The following RPS6KC1 variants were observed in gnomAD, a reference collection of about 807,000 sequenced individuals.
The protein encoded by RPS6KC1 is ribosomal protein S6 kinase C1.
Under a neutral mutation model 103.8 loss-of-function variants are expected in RPS6KC1, and 54 were observed. That is an observed-to-expected ratio of 0.52 (90% confidence interval 0.42 to 0.65). The LOEUF (loss-of-function observed/expected upper bound fraction) is 0.65, where lower values mean the gene tolerates loss of function less well. RPS6KC1 is among the 30% of genes least tolerant of loss of function. The probability of loss-of-function intolerance (pLI) is 0.00; values close to 1 mark genes in which losing one functional copy is unlikely to be tolerated. For missense variants in RPS6KC1, 1,151 were observed against 1,253.8 expected (o/e 0.92, Z 1.24); for synonymous variants, 439 against 438.7 (o/e 1.00, Z -0.01).
chr1:213,474,251 T>A, the RPS6KC1 span, among the ~76,000 whole-genome samples: 1 of 152,140 alleles, frequency 6.6e-6, no homozygotes, highest in African/African-American at 2.4e-5. Context: ...GGGCTCTCCT[T>A]GGCCCGGATC....
At chr1:213,069,136 G>T (rs535870054) in intron 1 of RPS6KC1, among the ~76,000 whole-genome samples, 21 of 152,106 alleles carry the variant, frequency 1.4e-4, no homozygotes, top group Admixed American at 7.9e-4. Flanking sequence ...TATTTCAGTG[G>T]CTCAGTAGCC....
the RPS6KC1 span, among the ~76,000 whole-genome samples, chr1:213,454,750 C>T: frequency 2.6e-5 from 4 of 152,302 alleles, no homozygotes; most frequent in African/African-American, 9.6e-5. Flanking sequence ...ACTCAGTGTC[C>T]AAATTCCAGC....
chr1:213,072,906 T>C, intron 2 of RPS6KC1: 1 of 980,296 alleles, frequency 1.0e-6, no homozygotes, highest in Non-Finnish European at 1.2e-6. Context: ...GAACATACTC[T>C]CTGCCATTTT....
the RPS6KC1 span, among the ~76,000 whole-genome samples, chr1:213,384,339 A>G: frequency 6.6e-6 from 1 of 152,032 alleles, no homozygotes; most frequent in Admixed American, 6.5e-5. Context: ...AAAGAAAATC[A>G]TGAAGGTTTG....
the RPS6KC1 span, among the ~76,000 whole-genome samples, chr1:213,805,228 A>G: frequency 3.3e-5 from 5 of 152,300 alleles, no homozygotes; most frequent in South Asian, 1.0e-3. Context: ...ACAATTTCTT[A>G]AAATAAGACA....
chr1:213,401,149 C>A, the RPS6KC1 span, among the ~76,000 whole-genome samples: 1 of 152,122 alleles, frequency 6.6e-6, no homozygotes, highest in Admixed American at 6.5e-5. Flanking sequence ...TCTTGGCTAT[C>A]TTTTTTGGTT....
At chr1:213,152,241 A>C (rs1353213602) in intron 6 of RPS6KC1, among the ~76,000 whole-genome samples, 10 of 100,216 alleles carry the variant, frequency 1.0e-4, no homozygotes, top group East Asian at 3.0e-4. Flanking sequence ...TGATGCCCCC[A>C]CCTCCCTCCC....
chr1:213,686,939 TG>T, the RPS6KC1 span, among the ~76,000 whole-genome samples: 2 of 126,396 alleles, frequency 1.6e-5, no homozygotes, highest in Non-Finnish European at 3.5e-5. Context: ...TTAGACCATA[TG>T]GGGTAACTTC....
At chr1:213,434,587 C>T in the RPS6KC1 span, among the ~76,000 whole-genome samples, 1 of 152,048 alleles carries the variant, frequency 6.6e-6, no homozygotes, top group African/African-American at 2.4e-5. Context: ...TCCTGAGTAA[C>T]TCAGACTACA....
At chr1:213,501,576 T>C in the RPS6KC1 span, among the ~76,000 whole-genome samples, 1 of 152,026 alleles carries the variant, frequency 6.6e-6, no homozygotes, top group African/African-American at 2.4e-5. Flanking sequence ...CCATCTCTAC[T>C]AAAAATATTA....
chr1:213,766,681 T>A, the RPS6KC1 span, among the ~76,000 whole-genome samples: 60 of 152,176 alleles, frequency 3.9e-4, no homozygotes, highest in African/African-American at 1.4e-3. Context: ...TTCAGAAGGA[T>A]TTTTATTGAC....
chr1:213,221,002 A>C (rs190413953), intron 8 of RPS6KC1, among the ~76,000 whole-genome samples: 1 of 152,312 alleles, frequency 6.6e-6, no homozygotes, highest in South Asian at 2.1e-4. Flanking sequence ...TTATGTTTGA[A>C]GTATGGGTAT....
At chr1:213,569,889 C>T in the RPS6KC1 span, among the ~76,000 whole-genome samples, 824 of 152,294 alleles carry the variant, frequency 5.4e-3, 11 homozygotes, top group African/African-American at 0.019. Context: ...CCTGCTGCCT[C>T]AAGGAGATCA....
chr1:213,653,660 A>C, the RPS6KC1 span, among the ~76,000 whole-genome samples: 1 of 152,178 alleles, frequency 6.6e-6, no homozygotes, highest in African/African-American at 2.4e-5. Flanking sequence ...GATCATATCT[A>C]TCTCTCCCCT....
chr1:213,642,222 G>A, the RPS6KC1 span, among the ~76,000 whole-genome samples: 15 of 152,124 alleles, frequency 9.9e-5, no homozygotes, highest in East Asian at 7.7e-4. Context: ...TAGTACTTTC[G>A]TTTTTGGCAC....
chr1:213,796,320 G>A, the RPS6KC1 span, among the ~76,000 whole-genome samples: 3 of 152,156 alleles, frequency 2.0e-5, no homozygotes, highest in Admixed American at 6.5e-5. Flanking sequence ...ACAATAGATT[G>A]TGTTATTCTG....
chr1:213,071,821 C>CT (rs1172658847), intron 2 of RPS6KC1, among the ~76,000 whole-genome samples: 1 of 148,988 alleles, frequency 6.7e-6, no homozygotes, highest in Admixed American at 6.6e-5. Flanking sequence ...TTTTTTTAAA[C>CT]TTTAAGTTAG....
At chr1:213,725,305 A>G in the RPS6KC1 span, among the ~76,000 whole-genome samples, 1 of 152,236 alleles carries the variant, frequency 6.6e-6, no homozygotes, top group African/African-American at 2.4e-5. Flanking sequence ...ATATTTTACA[A>G]CAGTTTCCAG....
chr1:213,119,388 A>G (rs566397022), intron 5 of RPS6KC1, among the ~76,000 whole-genome samples: 1 of 130,650 alleles, frequency 7.7e-6, no homozygotes, highest in Non-Finnish European at 1.6e-5. Context: ...TGGAGGTTGC[A>G]GTGAGCCAAG....
Sources: gnomAD v4.1 joint callset for allele counts (sites outside exome capture counted in the v4.1 genomes callset) on GRCh38, gnomAD v4.1.1 for gene constraint, MANE v1.5 for transcripts, NCBI Gene and HGNC (gene_info 2026-07-23, HGNC 2026-07-21) for gene names.